Variants in ZDHHC17 observed in about 807,000 individuals in gnomAD.
The protein encoded by ZDHHC17 is palmitoyltransferase ZDHHC17.
A neutral mutation model predicts 90.3 loss-of-function variants in ZDHHC17; 40 were observed. The ratio of observed to expected loss-of-function variants is 0.44; its 90% CI spans 0.34 to 0.58. The LOEUF (loss-of-function observed/expected upper bound fraction) is 0.58. ZDHHC17 is among the 20% of genes least tolerant of loss of function. The pLI, the probability that ZDHHC17 is intolerant of heterozygous loss-of-function variation, is 0.01. For synonymous variants in ZDHHC17, 235 were observed against 252.4 expected, an observed-to-expected ratio of 0.93 and a Z score of 0.65; for missense variants, 614 against 780.8, an observed-to-expected ratio of 0.79 and a Z score of 2.55.
intron 1 of ZDHHC17, among the ~76,000 whole-genome samples, chr12:76,767,955 G>T (rs1020593968): frequency 5.3e-5 from 8 of 151,762 alleles, no homozygotes. Context: ...TGAAAATGTA[G>T]CTTCTGCAGC....
chr12:76,777,749 C>T (rs897413743), intron 1 of ZDHHC17, among the ~76,000 whole-genome samples: 6 of 152,090 alleles, frequency 3.9e-5, no homozygotes, highest in African/African-American at 1.4e-4. Context: ...CTTGGGATCT[C>T]TATCTTGAGA....
intron 2 of ZDHHC17, among the ~76,000 whole-genome samples, chr12:76,803,548 T>C (rs1362464584): frequency 1.3e-5 from 2 of 152,172 alleles, no homozygotes; most frequent in Admixed American, 6.5e-5. Flanking sequence ...TGTCTGGTGG[T>C]ATTGTGGGAG....
At chr12:76,839,407 G>A (rs1395056708) in intron 10 of ZDHHC17, among the ~76,000 whole-genome samples, 5 of 152,168 alleles carry the variant, frequency 3.3e-5, no homozygotes, top group Admixed American at 3.3e-4. Context: ...TCTCCTTTCT[G>A]AAGTTGTTGC....
intron 10 of ZDHHC17, among the ~76,000 whole-genome samples, chr12:76,836,201 T>C (rs1953360529): frequency 6.6e-6 from 1 of 151,934 alleles, no homozygotes; most frequent in Non-Finnish European, 1.5e-5. Flanking sequence ...AGACTTGTTC[T>C]TTTTTTATGT....
At chr12:76,774,322 A>T (rs1181062435) in intron 1 of ZDHHC17, among the ~76,000 whole-genome samples, 4 of 151,374 alleles carry the variant, frequency 2.6e-5, no homozygotes, top group Non-Finnish European at 5.9e-5. Context: ...ACACACACAC[A>T]TATATATACA....
intron 5 of ZDHHC17, among the ~76,000 whole-genome samples, chr12:76,813,008 G>A (rs970356064): frequency 1.3e-5 from 2 of 151,976 alleles, no homozygotes; most frequent in Non-Finnish European, 2.9e-5. Flanking sequence ...TTTAAATCCC[G>A]ACCCAAAGAG....
chr12:76,832,946 A>G (rs1295482416), intron 10 of ZDHHC17, among the ~76,000 whole-genome samples: 1 of 152,202 alleles, frequency 6.6e-6, no homozygotes, highest in Non-Finnish European at 1.5e-5. Flanking sequence ...GCACTTTTTC[A>G]GTGCCATGAA....
intron 7 of ZDHHC17, among the ~76,000 whole-genome samples, chr12:76,819,693 A>G (rs537866467): frequency 6.6e-6 from 1 of 152,290 alleles, no homozygotes; most frequent in Admixed American, 6.5e-5. Context: ...AACTTATTTT[A>G]AAGACAATTT....
At chr12:76,777,850 C>T (rs1315443798) in intron 1 of ZDHHC17, among the ~76,000 whole-genome samples, 1 of 151,978 alleles carries the variant, frequency 6.6e-6, no homozygotes, top group Non-Finnish European at 1.5e-5. Flanking sequence ...AGGTGAGACA[C>T]ATGAGGAAGT....
At chr12:76,842,256 A>T in intron 11 of ZDHHC17, 150 bp downstream of exon 11, 1 of 852,712 alleles carries the variant, frequency 1.2e-6, no homozygotes. Flanking sequence ...TTTGGTGCTC[A>T]TCCTTGGTGC....
chr12:76,790,890 C>G (rs1262664464), intron 1 of ZDHHC17, among the ~76,000 whole-genome samples: 1 of 149,234 alleles, frequency 6.7e-6, no homozygotes, highest in Non-Finnish European at 1.5e-5. Context: ...AGGAATAAGT[C>G]CTAGTGTTCT....
At chr12:76,848,471 C>T in intron 15 of ZDHHC17, 81 bp downstream of exon 15, 3 of 1,342,246 alleles carry the variant, frequency 2.2e-6, no homozygotes, top group South Asian at 2.9e-5. Flanking sequence ...ATATTCTCTT[C>T]CTAACCACTC....
chr12:76,808,938 T>C (rs1952987793), intron 3 of ZDHHC17, 105 bp from the exon 4 acceptor site: 3 of 612,768 alleles, frequency 4.9e-6, no homozygotes. Context: ...AGGTTCAAAC[T>C]AGCATGAGAT....
rs192662659 is a variant in ZDHHC17 at position 76,767,211 on chromosome 12, T to G, written c.93+2882T>G. ...ATTTATTTTGGTTTTGGTGACTGAT[T>G]TAAAACTTATGTGGGTTTTAATTTA... On this transcript the variant is annotated intron_variant, in intron 1 of 16. Transcript: ENST00000426126. 2.3e-3 allele frequency among the ~76,000 whole-genome samples: 344 copies of G among 152,264 alleles called. 5 individuals are homozygous for G. The highest frequency in any genetic ancestry group is 1.3e-3 in the Non-Finnish European group (86 of 68,002).
At chr12:76,838,004 G>A (rs1009221938) in intron 10 of ZDHHC17, among the ~76,000 whole-genome samples, 8 of 151,820 alleles carry the variant, frequency 5.3e-5, no homozygotes, top group Non-Finnish European at 4.4e-5. Flanking sequence ...TTTACTGATT[G>A]TCAGTGTTTT....
At chr12:76,840,062 T>G (rs1953414313) in intron 10 of ZDHHC17, 1 of 152,204 alleles carries the variant, frequency 6.6e-6, no homozygotes, top group Non-Finnish European at 1.5e-5. Flanking sequence ...GTATCATCTG[T>G]AAAGTGGGGA....
chr12:76,770,477 G>T (rs895582955), intron 1 of ZDHHC17, among the ~76,000 whole-genome samples: 8 of 152,202 alleles, frequency 5.3e-5, no homozygotes, highest in Non-Finnish European at 1.2e-4. Context: ...ATTGTAAAAT[G>T]ATGTAAGATT....
At chr12:76,794,407 A>T (rs74104850) in intron 1 of ZDHHC17, among the ~76,000 whole-genome samples, 14 of 152,336 alleles carry the variant, frequency 9.2e-5, no homozygotes, top group South Asian at 2.1e-4. Flanking sequence ...CACATTGACA[A>T]GGTACTAGTC....
chr12:76,846,577 C>A lies in ZDHHC17; in HGVS notation c.1424-19C>A, dbSNP rs774740484. On this transcript the variant is annotated intron_variant, in intron 13 of 16. Coordinates refer to ENST00000426126, the MANE Select transcript of ZDHHC17 (RefSeq NM_015336.4). ...TTTTTTTCTTAGCTGAAAAACCTTG[C>A]TTCTGTGTCGTTCTTCAGGTGCAGG... is the stretch of plus-strand genomic sequence containing the variant. 4.4e-6 allele frequency: 7 copies of A among 1,604,150 alleles called. No individual in the cohort carries two copies. Among genetic ancestry groups the A allele is most frequent in the Non-Finnish European group, 6.0e-6 (7 of 1,173,884 alleles).
Sources: allele counts gnomAD v4.1 joint callset (sites outside exome capture counted in the v4.1 genomes callset), GRCh38; gene constraint gnomAD v4.1.1; transcripts MANE v1.5; gene names NCBI Gene and HGNC (gene_info 2026-07-23, HGNC 2026-07-21).